Variants in ATXN7L1 observed in about 807,000 individuals in gnomAD.
ATXN7L1 encodes the protein ataxin 7 like 1, also known as ataxin-7-like protein 1.
A neutral mutation model predicts 70.8 loss-of-function variants in ATXN7L1; 15 were observed. That is an observed-to-expected ratio of 0.21 (90% CI 0.14 to 0.33). ATXN7L1 has a LOEUF of 0.33. ATXN7L1 is among the 10% of genes least tolerant of loss of function. The pLI is 1.00. For missense variants in ATXN7L1, 975 were observed against 1,097.1 expected (o/e 0.89, Z 1.57); for synonymous variants, 440 against 445.1 (o/e 0.99, Z 0.14).
At chr7:105,825,984 G>A (rs1229305376) in intron 2 of ATXN7L1, among the ~76,000 whole-genome samples, 1 of 152,012 alleles carries the variant, frequency 6.6e-6, no homozygotes, top group South Asian at 2.1e-4. Flanking sequence ...CAAACCCTCC[G>A]GTATGTGATG....
chr7:105,713,760 AC>A (rs1794199236), intron 3 of ATXN7L1, among the ~76,000 whole-genome samples: 1 of 152,094 alleles, frequency 6.6e-6, no homozygotes, highest in African/African-American at 2.4e-5. Flanking sequence ...CCCTCAAGAA[AC>A]CCCAGTCAGG....
chr7:105,842,244 AAATT>A (rs1430425869), intron 2 of ATXN7L1, among the ~76,000 whole-genome samples: 1 of 152,158 alleles, frequency 6.6e-6, no homozygotes, highest in Non-Finnish European at 1.5e-5. Context: ...ATATAACACA[AAATT>A]AATTATTTTA....
rs114388583 is a variant in ATXN7L1 at position 105,615,989 on chromosome 7, G to A, written c.1518-1173C>T. Among the ~76,000 whole-genome samples, 1,340 of 152,350 alleles carry A rather than the reference G, an allele frequency of 8.8e-3. 19 individuals are homozygous for A. The highest frequency in any genetic ancestry group is 0.031 in the African/African-American group (1,276 of 41,578). On this transcript the variant is annotated intron_variant, in intron 9 of 11. Transcript: ENST00000419735. ...GACCGGGAGGAGGCACACGGCCACA[G>A]GGACGTTTGTTCGTGATTTTGCAGG... is the stretch of plus-strand genomic sequence containing the variant.
chr7:105,670,882 G>GCA (rs1803460723), intron 3 of ATXN7L1, among the ~76,000 whole-genome samples: 1 of 152,000 alleles, frequency 6.6e-6, no homozygotes, highest in African/African-American at 2.4e-5. Context: ...CGAGGCGGAT[G>GCA]GATCACGAGG....
At chr7:105,623,193 G>A (rs2115804410) in intron 8 of ATXN7L1, among the ~76,000 whole-genome samples, 1 of 152,324 alleles carries the variant, frequency 6.6e-6, no homozygotes, top group African/African-American at 2.4e-5. Context: ...ATGGATAGGA[G>A]GGAAGAGGGA....
chr7:105,685,422 G>A (rs1347695637), intron 3 of ATXN7L1, among the ~76,000 whole-genome samples: 2 of 152,214 alleles, frequency 1.3e-5, no homozygotes, highest in African/African-American at 4.8e-5. Context: ...GGAACCTATA[G>A]ATGTACTCAG....
At chr7:105,645,640 CAAAA>C (rs34135377) in intron 4 of ATXN7L1, among the ~76,000 whole-genome samples, 3 of 124,084 alleles carry the variant, frequency 2.4e-5, no homozygotes, top group African/African-American at 3.3e-5. Flanking sequence ...GCTAAAAATC[CAAAA>C]AAAAAAAAAA....
At chr7:105,719,324 A>G (rs914029194) in intron 3 of ATXN7L1, among the ~76,000 whole-genome samples, 2 of 152,156 alleles carry the variant, frequency 1.3e-5, no homozygotes, top group African/African-American at 4.8e-5. Flanking sequence ...CCCGCCCTAC[A>G]GGGTCTAGTT....
chr7:105,740,986 G>C (rs1438312895), intron 3 of ATXN7L1, among the ~76,000 whole-genome samples: 1 of 151,826 alleles, frequency 6.6e-6, no homozygotes, highest in Non-Finnish European at 1.5e-5. Flanking sequence ...GGATGGTCTC[G>C]ATCTCCTGAC....
intron 7 of ATXN7L1, among the ~76,000 whole-genome samples, chr7:105,627,435 T>C (rs1795868096): frequency 6.6e-6 from 1 of 152,050 alleles, no homozygotes; most frequent in African/African-American, 2.4e-5. Flanking sequence ...GGGTCTTGCT[T>C]ATGTTGCCCA....
chr7:105,665,135 T>C lies in ATXN7L1; in HGVS notation c.509A>G (p.Asp170Gly). The C allele has an allele frequency of 3.2e-6, 5 of 1,551,714 alleles. No individual in the cohort carries two copies. Among genetic ancestry groups the C allele is most frequent in the Non-Finnish European group, 4.4e-6 (5 of 1,146,992 alleles). Reference protein sequence around the residue: ...STSKPFKTPKDNLLTSSSKQH... With the variant: ...STSKPFKTPKGNLLTSSSKQH... ...TTTGCTGCTGGAGGTAAGTAGATTG[T>C]CTTTGGGCGTTTTGAATGGCTTTGA... is the stretch of plus-strand genomic sequence containing the variant. The change falls in exon 4 of 12, where the codon GAC (aspartate) becomes GGC (glycine). Residue 170 changes from aspartate (D) to glycine (G), a missense_variant. Around this residue, in one of 5 missense-constraint regions of ATXN7L1, gnomAD observed 192 missense variants for 215.5 expected, o/e 0.89. Transcript: ENST00000419735.
At chr7:105,627,293 G>A (rs1343513518) in intron 7 of ATXN7L1, among the ~76,000 whole-genome samples, 1 of 152,108 alleles carries the variant, frequency 6.6e-6, no homozygotes, top group Non-Finnish European at 1.5e-5. Context: ...GGAGTGCAGT[G>A]GCATGATCAT....
Position 105,650,226 on chromosome 7 carries a change from C to T in ATXN7L1, c.579-7105G>A, listed in dbSNP as rs116505291. On this transcript the variant is annotated intron_variant, in intron 4 of 11. Coordinates refer to ENST00000419735, the MANE Select transcript of ATXN7L1 (RefSeq NM_020725.2). Reference sequence around the variant, plus strand: ...TAACAGAGACACAAAGTCCTACTACCGTGGTATGACAGATACAGTTGATAC... The same window carrying T: ...TAACAGAGACACAAAGTCCTACTACTGTGGTATGACAGATACAGTTGATAC... Among the ~76,000 whole-genome samples the T allele has an allele frequency of 4.4e-3, 674 of 152,286 alleles. 10 individuals are homozygous for T. The highest frequency in any genetic ancestry group is 0.015 in the African/African-American group (641 of 41,550).
At chr7:105,717,604 G>C (rs1194996126) in intron 3 of ATXN7L1, among the ~76,000 whole-genome samples, 2 of 152,134 alleles carry the variant, frequency 1.3e-5, no homozygotes, top group Non-Finnish European at 2.9e-5. Flanking sequence ...CATAAATTTT[G>C]GTTCCAGGTC....
rs180969743 is a variant in ATXN7L1, at chr7:105,767,291, G to T, written c.355+21313C>A. Among the ~76,000 whole-genome samples the T allele has an allele frequency of 1.9e-4, 29 of 152,242 alleles. No homozygotes were observed. The East Asian group carries it at 5.0e-3, about 26-fold the overall frequency. The stretch of plus-strand genomic sequence containing the variant: ...GGGGTAGAAGGGAGGCCCACCGGGA[G>T]TTTCAAGAGGGTCCACCTGAGCAAA... On this transcript the variant is annotated intron_variant, in intron 3 of 11. Coordinates refer to ENST00000419735, the MANE Select transcript of ATXN7L1 (RefSeq NM_020725.2).
chr7:105,856,504 G>A (rs1347527859), intron 2 of ATXN7L1, among the ~76,000 whole-genome samples: 3 of 151,284 alleles, frequency 2.0e-5, no homozygotes, highest in Non-Finnish European at 4.4e-5. Flanking sequence ...GAGAATCGCT[G>A]GAACTTGGGA....
chr7:105,773,371 G>A (rs1353700047), intron 3 of ATXN7L1, among the ~76,000 whole-genome samples: 1 of 152,298 alleles, frequency 6.6e-6, no homozygotes, highest in Admixed American at 6.5e-5. Context: ...CCCATGCCCT[G>A]CACTGCCACA....
At chr7:105,709,351 T>TAAA (rs1793592746) in intron 3 of ATXN7L1, among the ~76,000 whole-genome samples, 3 of 150,852 alleles carry the variant, frequency 2.0e-5, no homozygotes, top group South Asian at 4.3e-4. Context: ...AAAAGAATTT[T>TAAA]TTTTCTATAT....
chr7:105,661,575 G>T (rs888519787), intron 4 of ATXN7L1, among the ~76,000 whole-genome samples: 4 of 152,210 alleles, frequency 2.6e-5, no homozygotes, highest in Non-Finnish European at 4.4e-5. Context: ...GCAGGGCCCA[G>T]ACTTGAATTT....
Sources: gnomAD v4.1 joint callset for allele counts (sites outside exome capture counted in the v4.1 genomes callset) on GRCh38, gnomAD v4.1.1 for gene constraint, gnomAD v4.1.1 regional missense constraint, MANE v1.5 for transcripts, NCBI Gene and HGNC (gene_info 2026-07-23, HGNC 2026-07-21) for gene names.